CDH13: variants seen among roughly 807,000 people sequenced by gnomAD.
CDH13 encodes the protein cadherin 13, also known as cadherin-13.
A neutral mutation model predicts 63.8 loss-of-function variants in CDH13; 24 were observed. The ratio of observed to expected loss-of-function variants is 0.38; its 90% CI spans 0.27 to 0.53. The LOEUF is 0.53. Ranked by LOEUF, CDH13 falls within the 20% of genes least tolerant of loss-of-function variation. CDH13 has a pLI of 0.85. For synonymous variants in CDH13, 503 were observed against 355.3 expected, an observed-to-expected ratio of 1.42 and a Z score of -4.67; for missense variants, 1,049 against 903.1, an observed-to-expected ratio of 1.16 and a Z score of -2.07.
At chr16:83,069,669 C>T (rs940927675) in intron 3 of CDH13, among the ~76,000 whole-genome samples, 1 of 152,150 alleles carries the variant, frequency 6.6e-6, no homozygotes, top group Admixed American at 6.6e-5. Context: ...CCAGCCTCAT[C>T]CTCTTGTCTT....
intron 6 of CDH13, among the ~76,000 whole-genome samples, chr16:83,356,000 C>T (rs1027528067): frequency 6.6e-6 from 1 of 152,170 alleles, no homozygotes; most frequent in East Asian, 1.9e-4. Flanking sequence ...GGTGACTCCG[C>T]CGTGGTCACA....
intron 8 of CDH13, among the ~76,000 whole-genome samples, chr16:83,657,750 C>T (rs1005003276): frequency 6.6e-6 from 1 of 152,212 alleles, no homozygotes; most frequent in African/African-American, 2.4e-5. Flanking sequence ...CTGTGAACTC[C>T]TTGCCATAGA....
intron 7 of CDH13, among the ~76,000 whole-genome samples, chr16:83,533,151 A>C (rs1480611918): frequency 6.6e-6 from 1 of 152,046 alleles, no homozygotes; most frequent in African/African-American, 2.4e-5. Context: ...GTCTCCACTC[A>C]CTCTTATGCC....
intron 2 of CDH13, among the ~76,000 whole-genome samples, chr16:82,866,738 A>G (rs1026958816): frequency 2.0e-5 from 3 of 152,092 alleles, no homozygotes; most frequent in African/African-American, 2.4e-5. Context: ...ATCATGGTGG[A>G]AGGCAGAGAG....
chr16:83,256,579 C>G (rs1459385646), intron 5 of CDH13, among the ~76,000 whole-genome samples: 1 of 151,470 alleles, frequency 6.6e-6, no homozygotes, highest in East Asian at 1.9e-4. Context: ...CGCCTGTAAT[C>G]CCAGCACTTT....
intron 11 of CDH13, among the ~76,000 whole-genome samples, chr16:83,765,337 GAA>G (rs11285841): frequency 6.6e-6 from 1 of 151,718 alleles, no homozygotes; most frequent in Admixed American, 6.6e-5. Context: ...CAGTGGAATG[GAA>G]AAAAAAACCA....
At chr16:82,679,259 G>C (rs184368017) in intron 1 of CDH13, among the ~76,000 whole-genome samples, 68 of 152,304 alleles carry the variant, frequency 4.5e-4, no homozygotes, top group African/African-American at 1.4e-3. Context: ...GCCAGGTGCT[G>C]TCTGATCATA....
chr16:83,534,876 A>G (rs748966906), intron 7 of CDH13, among the ~76,000 whole-genome samples: 16 of 152,246 alleles, frequency 1.1e-4, no homozygotes, highest in Non-Finnish European at 2.4e-4. Flanking sequence ...TTTATTGATA[A>G]TGATCAAGGA....
intron 10 of CDH13, among the ~76,000 whole-genome samples, chr16:83,697,916 G>A (rs905982292): frequency 6.6e-6 from 1 of 152,204 alleles, no homozygotes; most frequent in Non-Finnish European, 1.5e-5. Context: ...CCAAATTGCT[G>A]GGATTACAGG....
rs370770528 is a variant in CDH13, at chr16:83,037,728, T to G, written c.366+5510T>G. On this transcript the variant is annotated intron_variant, in intron 3 of 13. Coordinates refer to ENST00000567109, the MANE Select transcript of CDH13 (RefSeq NM_001257.5). ...CAAATTTGAAGGAAGAACAGCATAGTGGTGGGAGTTTTGGCTTATGTTGGA... is the reference window on the plus strand; with the variant it reads ...CAAATTTGAAGGAAGAACAGCATAGGGGTGGGAGTTTTGGCTTATGTTGGA... 4.6e-5 allele frequency among the ~76,000 whole-genome samples: 7 copies of G among 151,998 alleles called. No individual in the cohort carries two copies. In the East Asian group the frequency reaches 9.7e-4, roughly 21 times the overall value.
At chr16:83,055,238 T>G in intron 3 of CDH13, among the ~76,000 whole-genome samples, 1 of 151,758 alleles carries the variant, frequency 6.6e-6, no homozygotes, top group East Asian at 1.9e-4. Context: ...AACACCAAAT[T>G]TAACTCTAAT....
intron 1 of CDH13, among the ~76,000 whole-genome samples, chr16:82,690,922 G>A (rs1458356868): frequency 1.3e-5 from 2 of 152,164 alleles, no homozygotes; most frequent in African/African-American, 4.8e-5. Flanking sequence ...AGTTGCCTGT[G>A]GCAGATAAAG....
intron 7 of CDH13, among the ~76,000 whole-genome samples, chr16:83,551,145 G>A (rs1273421583): frequency 6.6e-6 from 1 of 151,934 alleles, no homozygotes; most frequent in Non-Finnish European, 1.5e-5. Flanking sequence ...ACAGTGGCAT[G>A]ATCTCAGCTC....
At chr16:83,539,971 A>G (rs1193188847) in intron 7 of CDH13, among the ~76,000 whole-genome samples, 1 of 152,188 alleles carries the variant, frequency 6.6e-6, no homozygotes, top group East Asian at 1.9e-4. Context: ...CTTTGACTTT[A>G]GATAAAATTC....
intron 7 of CDH13, among the ~76,000 whole-genome samples, chr16:83,521,345 G>C (rs532808965): frequency 5.6e-5 from 8 of 141,644 alleles, no homozygotes; most frequent in Non-Finnish European, 1.2e-4. Context: ...TGAAATTTAG[G>C]AAAAAAAAAA....
At chr16:83,095,592 G>A (rs2034153463) in intron 3 of CDH13, among the ~76,000 whole-genome samples, 1 of 152,152 alleles carries the variant, frequency 6.6e-6, no homozygotes. Context: ...TCAAGCTTAT[G>A]TATTTGGGTA....
chr16:83,523,211 C>T (rs2074880979), intron 7 of CDH13, among the ~76,000 whole-genome samples: 1 of 152,180 alleles, frequency 6.6e-6, no homozygotes, highest in Non-Finnish European at 1.5e-5. Context: ...GGATCCATGT[C>T]TATGGCGTCC....
At chr16:82,801,948 C>A (rs147113231) in intron 1 of CDH13, among the ~76,000 whole-genome samples, 2 of 152,120 alleles carry the variant, frequency 1.3e-5, no homozygotes, top group East Asian at 3.9e-4. Flanking sequence ...GTAAGGAGTG[C>A]GGATGTGAAT....
chr16:83,535,109 T>C (rs528998201), intron 7 of CDH13, among the ~76,000 whole-genome samples: 34 of 152,340 alleles, frequency 2.2e-4, no homozygotes, highest in Admixed American at 7.8e-4. Context: ...GTCTGCCATA[T>C]ACACTGTGGC....
Sources: allele counts gnomAD v4.1 joint callset (sites outside exome capture counted in the v4.1 genomes callset), GRCh38; gene constraint gnomAD v4.1.1; transcripts MANE v1.5; gene names NCBI Gene and HGNC (gene_info 2026-07-23, HGNC 2026-07-21).